The following PLPP4 variants were observed in gnomAD, a reference collection of about 807,000 sequenced individuals.
PLPP4 encodes diacylglycerol pyrophosphate like 2.
PLPP4 carries 20 observed loss-of-function variants against 32.2 expected under a neutral mutation model. The ratio of observed to expected loss-of-function variants is 0.62; its 90% CI spans 0.44 to 0.90. The LOEUF (loss-of-function observed/expected upper bound fraction) is 0.90. Ranked by LOEUF, PLPP4 falls within the 40% of genes least tolerant of loss-of-function variation. PLPP4 has a pLI of 0.00. For missense variants in PLPP4, 257 were observed against 353.1 expected, an observed-to-expected ratio of 0.73 and a Z score of 2.18; for synonymous variants, 127 against 133.0, an observed-to-expected ratio of 0.95 and a Z score of 0.31.
At chr10:120,522,191 GC>G (rs1379562795) in intron 5 of PLPP4, among the ~76,000 whole-genome samples, 1 of 152,168 alleles carries the variant, frequency 6.6e-6, no homozygotes, top group African/African-American at 2.4e-5. Context: ...CCTTTAGCAA[GC>G]CTGCTATTTT....
intron 5 of PLPP4, among the ~76,000 whole-genome samples, chr10:120,560,107 G>A (rs780636653): frequency 4.3e-4 from 66 of 152,164 alleles, no homozygotes; most frequent in Non-Finnish European, 9.0e-4. Context: ...CACAGTTGTC[G>A]CATATTTCCC....
At chr10:120,548,125 A>T (rs1362485274) in intron 5 of PLPP4, among the ~76,000 whole-genome samples, 1 of 152,182 alleles carries the variant, frequency 6.6e-6, no homozygotes, top group East Asian at 1.9e-4. Flanking sequence ...GGTTTGCTAT[A>T]TAGGTAAATT....
chr10:120,483,128 A>G (rs1329773064), intron 1 of PLPP4, among the ~76,000 whole-genome samples: 1 of 152,198 alleles, frequency 6.6e-6, no homozygotes, highest in Non-Finnish European at 1.5e-5. Context: ...GCCCTCGAAC[A>G]TCAGACTGCA....
chr10:120,577,974 G>A (rs894675993), intron 6 of PLPP4, among the ~76,000 whole-genome samples: 3 of 152,160 alleles, frequency 2.0e-5, no homozygotes, highest in Non-Finnish European at 4.4e-5. Flanking sequence ...TGAGGGGTAG[G>A]TGCTACTACT....
intron 2 of PLPP4, among the ~76,000 whole-genome samples, chr10:120,512,410 A>G (rs939882550): frequency 2.0e-5 from 3 of 152,218 alleles, no homozygotes; most frequent in Non-Finnish European, 4.4e-5. Context: ...TGAATCATCA[A>G]ACTGGTTACT....
chr10:120,491,509 TCTAA>T (rs55678559), intron 1 of PLPP4, among the ~76,000 whole-genome samples: 55,549 of 151,752 alleles, frequency 0.37, 10,135 homozygotes, highest in Admixed American at 0.41. Flanking sequence ...CCTTTTACTT[TCTAA>T]TTTTTCTCAT....
chr10:120,565,355 T>TGTGTGTGTGTGTGC, intron 5 of PLPP4, among the ~76,000 whole-genome samples: 1 of 132,588 alleles, frequency 7.5e-6, no homozygotes. Flanking sequence ...TGTGTGTGTG[T>TGTGTGTGTGTGTGC]GTGTGTGCTG....
intron 5 of PLPP4, among the ~76,000 whole-genome samples, chr10:120,572,333 T>C (rs1203092601): frequency 6.6e-6 from 1 of 152,222 alleles, no homozygotes; most frequent in African/African-American, 2.4e-5. Flanking sequence ...CCACAGCCCT[T>C]CCCCTTCTCC....
intron 4 of PLPP4, 28 bp from the exon 5 acceptor site, chr10:120,520,943 T>C (rs1564812181): frequency 5.0e-6 from 8 of 1,613,544 alleles, no homozygotes; most frequent in Middle Eastern, 1.6e-4. Flanking sequence ...GCATTTTATA[T>C]TGAAAATGTC....
intron 1 of PLPP4, among the ~76,000 whole-genome samples, chr10:120,471,241 T>A (rs575839059): frequency 6.6e-6 from 1 of 152,188 alleles, no homozygotes; most frequent in East Asian, 1.9e-4. Flanking sequence ...GCCTTCACAT[T>A]GTTTTTTGGA....
At chr10:120,521,514 T>C (rs1846155781) in intron 5 of PLPP4, among the ~76,000 whole-genome samples, 1 of 152,210 alleles carries the variant, frequency 6.6e-6, no homozygotes, top group Admixed American at 6.5e-5. Context: ...TATACATACA[T>C]ATGTTACATG....
At chr10:120,577,179 A>G (rs1849261636) in intron 6 of PLPP4, among the ~76,000 whole-genome samples, 1 of 152,180 alleles carries the variant, frequency 6.6e-6, no homozygotes, top group African/African-American at 2.4e-5. Context: ...TGACTTGGAG[A>G]CAGACTTTTT....
intron 1 of PLPP4, among the ~76,000 whole-genome samples, chr10:120,494,480 A>G (rs558127373): frequency 2.0e-5 from 3 of 152,346 alleles, no homozygotes; most frequent in Admixed American, 2.0e-4. Context: ...TGAGGGCACG[A>G]GGACATGACT....
At chr10:120,537,501 A>T (rs1847084565) in intron 5 of PLPP4, among the ~76,000 whole-genome samples, 1 of 152,236 alleles carries the variant, frequency 6.6e-6, no homozygotes, top group Non-Finnish European at 1.5e-5. Context: ...AGTTGAACTC[A>T]TCAAAGCAGA....
intron 1 of PLPP4, among the ~76,000 whole-genome samples, chr10:120,471,141 A>T: frequency 6.6e-6 from 1 of 152,326 alleles, no homozygotes; most frequent in Non-Finnish European, 1.5e-5. Context: ...GAAGTTAGCC[A>T]TGCTATTAAA....
chr10:120,561,046 T>A (rs535978177), intron 5 of PLPP4, among the ~76,000 whole-genome samples: 4 of 152,290 alleles, frequency 2.6e-5, no homozygotes, highest in African/African-American at 9.6e-5. Context: ...TTTGAGTAGA[T>A]TTCCTCTCAC....
chr10:120,499,703 T>G (rs1338342916), intron 1 of PLPP4, among the ~76,000 whole-genome samples: 1 of 152,188 alleles, frequency 6.6e-6, no homozygotes, highest in Non-Finnish European at 1.5e-5. Flanking sequence ...CTGAACCTGC[T>G]GTCTCTGTAT....
intron 6 of PLPP4, among the ~76,000 whole-genome samples, chr10:120,583,995 T>G (rs1299958652): frequency 6.6e-6 from 1 of 152,190 alleles, no homozygotes. Context: ...TGGAAAACAT[T>G]CTGCTCCAGC....
intron 5 of PLPP4, among the ~76,000 whole-genome samples, chr10:120,546,889 C>T (rs1279120335): frequency 6.6e-6 from 1 of 152,094 alleles, no homozygotes; most frequent in Non-Finnish European, 1.5e-5. Flanking sequence ...CACTGTAAAC[C>T]TGAATGTAAA....
Sources: allele counts gnomAD v4.1 joint callset (sites outside exome capture counted in the v4.1 genomes callset), GRCh38; gene constraint gnomAD v4.1.1; transcripts MANE v1.5; gene names NCBI Gene and HGNC (gene_info 2026-07-23, HGNC 2026-07-21).